Variants in CFAP46 observed in about 807,000 individuals in gnomAD.
CFAP46 encodes cilia- and flagella-associated protein 46.
A neutral mutation model predicts 325.7 loss-of-function variants in CFAP46; 245 were observed. The observed-to-expected ratio is 0.75, with a 90% CI of 0.68 to 0.84. The LOEUF (loss-of-function observed/expected upper bound fraction) is 0.84. CFAP46 is among the 40% of genes least tolerant of loss of function. CFAP46 has a pLI of 0.00. For missense variants in CFAP46, 3,346 were observed against 3,543.0 expected (o/e 0.94, Z 1.41); for synonymous variants, 1,523 against 1,495.9 (o/e 1.02, Z -0.42).
At chr10:132,899,769 T>G in intron 22 of CFAP46, 103 bp from the exon 23 acceptor site, 1 of 1,321,386 alleles carries the variant, frequency 7.6e-7, no homozygotes, top group Non-Finnish European at 1.0e-6. Flanking sequence ...GGTGGTATTC[T>G]AAGATGGGGC....
At position 132,860,279 on chromosome 10, in the gene CFAP46, G is replaced by T. The variant is rs140870112; in HGVS notation, c.5198+138C>A. ...CTTCTGGAGCTTTCTGGAGCTGCAC[G>T]GAAAGCTGTGGATATGTGGCCCCAT... is the stretch of plus-strand genomic sequence containing the variant. On this transcript the variant is annotated intron_variant, in intron 37 of 57. Transcript: ENST00000368586. The T allele has an allele frequency of 6.4e-6, 4 of 627,960 alleles. No homozygotes were observed. The African/African-American group carries it at 7.3e-5, about 12-fold the overall frequency. The allele number at this position is 627,960 out of a possible 1,614,324, so 38.9% of individuals were successfully genotyped here.
At chr10:132,874,848 T>C (rs1215605774) in intron 31 of CFAP46, among the ~76,000 whole-genome samples, 1 of 152,224 alleles carries the variant, frequency 6.6e-6, no homozygotes, top group African/African-American at 2.4e-5. Flanking sequence ...TCCTTTGAGA[T>C]AGGATGTGCA....
chr10:132,822,623 GTGC>G (rs1363333880), intron 50 of CFAP46, among the ~76,000 whole-genome samples: 2 of 140,794 alleles, frequency 1.4e-5, no homozygotes, highest in Non-Finnish European at 3.1e-5. Context: ...TGTTGTGTGA[GTGC>G]TGATGTGTGC....
At position 132,836,922 on chromosome 10, in the gene CFAP46, G is replaced by C. The variant is rs1365654709; in HGVS notation, c.6439-8C>G. ...GCAGAGATTTTGCCAAGCCTGTGTG[G>C]CGAAAAACGGCCATCAGGGGATGCA... On this transcript the variant is annotated splice_region_variant and splice_polypyrimidine_tract_variant and intron_variant, in intron 44 of 57. Coordinates refer to ENST00000368586, the MANE Select transcript of CFAP46 (RefSeq NM_001200049.3). 6.2e-7 allele frequency: 1 copy of C among 1,608,054 alleles called. No individual in the cohort carries two copies. The highest frequency in any genetic ancestry group is 1.1e-5 in the South Asian group (1 of 90,976).
intron 54 of CFAP46, 65 bp from the exon 55 acceptor site, chr10:132,812,962 T>C: frequency 7.6e-7 from 1 of 1,315,636 alleles, no homozygotes; most frequent in South Asian, 1.2e-5. Context: ...CACCGTGCGT[T>C]CTTAAAGCAG....
rs552989639 is a variant in CFAP46 at position 132,919,214 on chromosome 10, C to T, written c.1858+101G>A. 2.9e-4 allele frequency: 367 copies of T among 1,255,208 alleles called. No homozygotes were observed. The highest frequency in any genetic ancestry group is 3.5e-4 in the Non-Finnish European group (327 of 936,408). 77.8% of individuals were successfully genotyped at this position (1,255,208 alleles called of 1,614,324 possible). A position where few individuals can be genotyped will look rare whatever the true frequency, so the allele number is the denominator to read the frequency against. On this transcript the variant is annotated intron_variant, in intron 15 of 57. Coordinates refer to ENST00000368586, the MANE Select transcript of CFAP46 (RefSeq NM_001200049.3). This position sits in a 1 kb window ranked among gnomAD's most constrained non-coding sequence, Gnocchi z 9.7. ...TGACTTAGCAATACGCTTTCTCATG[C>T]GAAGGCCCCATGGGTTGTCATTGCA...
chr10:132,811,011 G>T lies in CFAP46; in HGVS notation c.7522C>A (p.Leu2508Met). The change falls in exon 56 of 58, where the codon CTG becomes ATG. Residue 2508 changes from leucine to methionine, a missense_variant. Physicochemically the swap from Leu to Met is conservative, Grantham distance 15. Coordinates refer to ENST00000368586, the MANE Select transcript of CFAP46 (RefSeq NM_001200049.3). ...CTCTGGTAGGACCGCGCCAGGTCCA[G>T]CAGGACTGCCACCTGGCACTCTGCC... ...NLQECQVAVLLDLARSYQSLK... is the reference protein window; with the variant it reads ...NLQECQVAVLMDLARSYQSLK... 6.2e-7 allele frequency: 1 copy of T among 1,603,222 alleles called. No individual in the cohort carries two copies.
chr10:132,884,323 A>G lies in CFAP46; in HGVS notation c.3627+780T>C, dbSNP rs2135388663. ...CAGTGCCCTGAGCCGGCACTCACAC[A>G]GCACCGTCAGAGACCCCCAACCATC... On this transcript the variant is annotated intron_variant, in intron 27 of 57. Coordinates refer to ENST00000368586, the MANE Select transcript of CFAP46 (RefSeq NM_001200049.3). The surrounding 1 kb of genome is among the most constrained non-coding windows in gnomAD (Gnocchi z 5.4). Among the ~76,000 whole-genome samples the G allele has an allele frequency of 6.6e-6, 1 of 152,314 alleles. No individual in the cohort carries two copies. Among genetic ancestry groups the G allele is most frequent in the African/African-American group, 2.4e-5 (1 of 41,568 alleles).
Position 132,938,734 on chromosome 10 carries a change from T to A in CFAP46, c.391A>T (p.Asn131Tyr). Residue 131 changes from asparagine (N) to tyrosine (Y), a missense_variant, in exon 5 of 58, where the codon AAT (asparagine) becomes TAT (tyrosine). Coordinates refer to ENST00000368586, the MANE Select transcript of CFAP46 (RefSeq NM_001200049.3). Reference protein sequence around the residue: ...GEPRYYFLVYNASVLYWQMVR... With the variant: ...GEPRYYFLVYYASVLYWQMVR... Reference sequence around the variant, plus strand: ...ATCTGCCAGTAGAGGACTGATGCATTGTACACCAAAAAGTAGTACCTGCGG... The same window carrying A: ...ATCTGCCAGTAGAGGACTGATGCATAGTACACCAAAAAGTAGTACCTGCGG... 1 of 1,613,210 alleles carries A rather than the reference T, an allele frequency of 6.2e-7. No homozygotes were observed. Among genetic ancestry groups the A allele is most frequent in the Non-Finnish European group, 8.5e-7 (1 of 1,179,874 alleles).
Position 132,817,629 on chromosome 10 carries a change from C to T in CFAP46, c.7118-2715G>A, listed in dbSNP as rs908002716. Among the ~76,000 whole-genome samples, 6 of 152,204 alleles carry T rather than the reference C, an allele frequency of 3.9e-5. No individual in the cohort carries two copies. Among genetic ancestry groups the T allele is most frequent in the Non-Finnish European group, 7.3e-5 (5 of 68,040 alleles). On this transcript the variant is annotated intron_variant, in intron 50 of 57. Transcript: ENST00000368586. This position sits in a 1 kb window ranked among gnomAD's most constrained non-coding sequence, Gnocchi z 4.4. ...ACCGACTCTCTGGTGGTGTCCTTAG[C>T]GCTTTACGGCAGTGCGGCCACACCT...
At chr10:132,929,626 C>A in intron 9 of CFAP46, 79 bp downstream of exon 9, 1 of 1,380,626 alleles carries the variant, frequency 7.2e-7, no homozygotes, top group East Asian at 2.3e-5. Context: ...GTGAACTGCT[C>A]TTCCTTTCTT....
intron 44 of CFAP46, 177 bp from the exon 45 acceptor site, chr10:132,837,091 C>A: frequency 1.8e-6 from 1 of 561,150 alleles, no homozygotes. Flanking sequence ...TCGGGGCTGC[C>A]ACCAGGGGGC....
At chr10:132,870,175 T>C (rs909020834) in intron 32 of CFAP46, among the ~76,000 whole-genome samples, 2 of 152,184 alleles carry the variant, frequency 1.3e-5, no homozygotes, top group Non-Finnish European at 2.9e-5. Context: ...GCCACGCCCA[T>C]ATGAGACGGT....
intron 57 of CFAP46, 29 bp downstream of exon 57, chr10:132,810,380 C>G: frequency 1.2e-6 from 2 of 1,606,488 alleles, no homozygotes; most frequent in East Asian, 4.5e-5. Flanking sequence ...GTGCTGAAGG[C>G]CGCGGGGTGC....
At chr10:132,843,211 C>T (rs1412049932) in intron 44 of CFAP46, among the ~76,000 whole-genome samples, 4 of 152,216 alleles carry the variant, frequency 2.6e-5, no homozygotes, top group Admixed American at 2.0e-4. Context: ...CTGGAGGCTG[C>T]GTCCTCTCCA....
At position 132,877,893 on chromosome 10, in the gene CFAP46, C is replaced by T; in HGVS notation, c.4200G>A (p.Lys1400=). ...DKEKGKEEKV[K]EPKQSQSPAP... ...ACTTGGGCATCACCTGCTTGGGCTC[C>T]TTGACTTTCTCCTCCTTTCCCTTCT... The change falls in exon 30 of 58, where the codon AAG becomes AAA. Residue 1400 remains lysine (K), a synonymous_variant. Transcript: ENST00000368586. This position sits in a 1 kb window ranked among gnomAD's most constrained non-coding sequence, Gnocchi z 5.7. 4.5e-6 allele frequency: 7 copies of T among 1,549,842 alleles called. No individual in the cohort carries two copies. Among genetic ancestry groups the T allele is most frequent in the Non-Finnish European group, 6.1e-6 (7 of 1,147,010 alleles).
At chr10:132,896,338 GC>G (rs1446860687) in intron 24 of CFAP46, among the ~76,000 whole-genome samples, 5 of 152,272 alleles carry the variant, frequency 3.3e-5, no homozygotes, top group Non-Finnish European at 1.5e-5. Flanking sequence ...GGCATTGATG[GC>G]CAGGAAGATG....
In CFAP46 at chr10:132,880,971, T is replaced by C; in HGVS notation, c.3689A>G (p.His1230Arg). ...YLMEFGQWLH[H>R]RHFPLEDVVF... ...CACGTCCTCGAGAGGAAAGTGTCTGTGATGGAGCCACTGGCCGAACTCCAT... is the reference window on the plus strand; with the variant it reads ...CACGTCCTCGAGAGGAAAGTGTCTGCGATGGAGCCACTGGCCGAACTCCAT... Residue 1230 changes from histidine to arginine, a missense_variant, in exon 28 of 58, where the codon CAC (histidine) becomes CGC (arginine). By Grantham distance (29) the His-to-Arg change is conservative. Coordinates refer to ENST00000368586, the MANE Select transcript of CFAP46 (RefSeq NM_001200049.3). The C allele has an allele frequency of 1.3e-6, 2 of 1,550,470 alleles. No homozygotes were observed. Among genetic ancestry groups the C allele is most frequent in the Non-Finnish European group, 1.7e-6 (2 of 1,146,940 alleles).
intron 44 of CFAP46, among the ~76,000 whole-genome samples, chr10:132,840,008 T>C (rs1418928252): frequency 2.0e-5 from 3 of 152,108 alleles, no homozygotes; most frequent in African/African-American, 7.2e-5. Flanking sequence ...GAGGAAGTTG[T>C]TTGCTTTATT....
Sources: allele counts gnomAD v4.1 joint callset (sites outside exome capture counted in the v4.1 genomes callset), GRCh38; gene constraint gnomAD v4.1.1; non-coding constraint Gnocchi (gnomAD v3.1); transcripts MANE v1.5; gene names NCBI Gene and HGNC (gene_info 2026-07-23, HGNC 2026-07-21).